OSBPL6: variants seen among roughly 807,000 people sequenced by gnomAD.
The protein encoded by OSBPL6 is oxysterol binding protein like 6, also known as oxysterol-binding protein-related protein 6.
OSBPL6 carries 49 observed loss-of-function variants against 125.8 expected under a neutral mutation model. The ratio of observed to expected loss-of-function variants is 0.39; its 90% CI spans 0.31 to 0.49. The LOEUF is 0.49. Ranked by LOEUF, OSBPL6 falls within the 20% of genes least tolerant of loss-of-function variation. The pLI is 0.88. For missense variants in OSBPL6, 986 were observed against 1,135.4 expected (o/e 0.87, Z 1.89); for synonymous variants, 394 against 391.8 (o/e 1.01, Z -0.07).
At position 178,372,156 on chromosome 2, in the gene OSBPL6, C is replaced by T. The variant is rs1011458863; in HGVS notation, c.1318C>T (p.Arg440Trp). Residue 440 changes from arginine to tryptophan, a missense_variant, in exon 14 of 25, where the codon CGG (arginine) becomes TGG (tryptophan). Arg to Trp is a moderately radical substitution (Grantham distance 101). Coordinates refer to ENST00000190611, the MANE Select transcript of OSBPL6 (RefSeq NM_032523.4). Reference sequence around the variant, plus strand: ...CAACCAGAATGCTGAACTAAGGAGTCGGTTGAACAGAATACATTCAGAGTC... The same window carrying T: ...CAACCAGAATGCTGAACTAAGGAGTTGGTTGAACAGAATACATTCAGAGTC... ...ALNQNAELRS[R>W]LNRIHSESII... is the part of the protein sequence containing the mutation. 7.4e-6 allele frequency: 12 copies of T among 1,612,772 alleles called. No homozygotes were observed. The highest frequency in any genetic ancestry group is 2.2e-5 in the East Asian group (1 of 44,798).
intron 13 of OSBPL6, 133 bp downstream of exon 13, chr2:178,361,948 A>G (rs1033569275): frequency 2.7e-6 from 3 of 1,091,546 alleles, no homozygotes; most frequent in Non-Finnish European, 3.8e-6. Context: ...TTCCCCCAAA[A>G]GACTGCAGTG....
At chr2:178,342,887 G>A (rs184462623) in intron 11 of OSBPL6, among the ~76,000 whole-genome samples, 1 of 152,120 alleles carries the variant, frequency 6.6e-6, no homozygotes, top group Admixed American at 6.5e-5. Context: ...TAGCTGTCCT[G>A]CATCTCATAG....
At chr2:178,286,543 C>G (rs932380862) in intron 2 of OSBPL6, among the ~76,000 whole-genome samples, 4 of 152,148 alleles carry the variant, frequency 2.6e-5, no homozygotes, top group Non-Finnish European at 4.4e-5. Flanking sequence ...AGTAAGAAGA[C>G]TTTTCAAAGA....
At chr2:178,339,522 C>G in intron 10 of OSBPL6, 150 bp from the exon 11 acceptor site, 1 of 447,500 alleles carries the variant, frequency 2.2e-6, no homozygotes, top group Non-Finnish European at 3.9e-6. Flanking sequence ...TTAATGCCCA[C>G]TATTCGTCTA....
chr2:178,244,639 T>C (rs981027158), intron 1 of OSBPL6, among the ~76,000 whole-genome samples: 4 of 152,246 alleles, frequency 2.6e-5, no homozygotes, highest in African/African-American at 9.6e-5. Flanking sequence ...AGATATGCTT[T>C]TATAGTTTTA....
intron 2 of OSBPL6, among the ~76,000 whole-genome samples, chr2:178,297,502 T>C (rs1685866622): frequency 6.6e-6 from 1 of 152,202 alleles, no homozygotes; most frequent in Non-Finnish European, 1.5e-5. Context: ...CAATCAATGT[T>C]ATTTAATGGA....
In OSBPL6 at chr2:178,397,237, C is replaced by T. The variant is rs991403504; in HGVS notation, c.*1678C>T. On this transcript the variant is annotated 3_prime_UTR_variant, in exon 25 of 25. Coordinates refer to ENST00000190611, the MANE Select transcript of OSBPL6 (RefSeq NM_032523.4). ...ATATTTTATTTATCCAAAACTCCTC[C>T]CTTGCATCTGAGTTTTTATGTTATG... 6.6e-6 allele frequency: 1 copy of T among 152,180 alleles called. No homozygotes were observed. Among genetic ancestry groups the T allele is most frequent in the African/African-American group, 2.4e-5 (1 of 41,450 alleles). The allele number at this position is 152,180 out of a possible 1,614,324, so 9.4% of individuals were successfully genotyped here. A position where few individuals can be genotyped will look rare whatever the true frequency, so the allele number is the denominator to read the frequency against.
chr2:178,390,946 AT>A, intron 21 of OSBPL6, 126 bp from the exon 22 acceptor site: 1 of 1,253,684 alleles, frequency 8.0e-7, no homozygotes, highest in Non-Finnish European at 1.1e-6. Context: ...ACGTTTTGAG[AT>A]TTCTGTATTT....
chr2:178,216,724 G>A (rs772296246), intron 1 of OSBPL6, among the ~76,000 whole-genome samples: 7 of 152,174 alleles, frequency 4.6e-5, no homozygotes, highest in Non-Finnish European at 8.8e-5. Flanking sequence ...TATCAATTAC[G>A]AGGAGGAAAA....
rs143211009 is a variant in OSBPL6 at position 178,219,663 on chromosome 2, G to A, written c.-351+24989G>A. 6.3e-3 allele frequency among the ~76,000 whole-genome samples: 961 copies of A among 152,242 alleles called. 8 individuals are homozygous for A. The highest frequency in any genetic ancestry group is 0.022 in the African/African-American group (913 of 41,528). On this transcript the variant is annotated intron_variant, in intron 1 of 24. Transcript: ENST00000190611. ...TGTTGCTGCTGAAAGCCATCCCATCGGACCCCTTTCCAGCAAGATTCTACT... is the reference window on the plus strand; with the variant it reads ...TGTTGCTGCTGAAAGCCATCCCATCAGACCCCTTTCCAGCAAGATTCTACT...
At position 178,391,136 on chromosome 2, in the gene OSBPL6, G is replaced by A. The variant is rs1299299346; in HGVS notation, c.2365G>A (p.Ala789Thr). ...QGVVIDQEGKAVYRLFGKWHE... is the reference protein window; with the variant it reads ...QGVVIDQEGKTVYRLFGKWHE... ...GGTGGTGATAGATCAGGAGGGGAAG[G>A]CGGTGTACCGGCTGTTTGGAAAGTG... The change falls in exon 22 of 25, where the codon GCG becomes ACG. Residue 789 changes from alanine (A) to threonine (T), a missense_variant. Coordinates refer to ENST00000190611, the MANE Select transcript of OSBPL6 (RefSeq NM_032523.4). The A allele has an allele frequency of 3.1e-6, 5 of 1,613,270 alleles. No individual in the cohort carries two copies. The highest frequency in any genetic ancestry group is 4.2e-6 in the Non-Finnish European group (5 of 1,179,336).
At chr2:178,248,240 C>T (rs897888086) in intron 1 of OSBPL6, among the ~76,000 whole-genome samples, 4 of 152,094 alleles carry the variant, frequency 2.6e-5, no homozygotes, top group Non-Finnish European at 4.4e-5. Flanking sequence ...TTACTTATAG[C>T]GGAGGGACAA....
chr2:178,369,485 T>G (rs940156132), intron 13 of OSBPL6, among the ~76,000 whole-genome samples: 1 of 152,196 alleles, frequency 6.6e-6, no homozygotes, highest in African/African-American at 2.4e-5. Flanking sequence ...CAATCAAATT[T>G]GTATGTTTAT....
intron 1 of OSBPL6, among the ~76,000 whole-genome samples, chr2:178,203,235 G>A (rs964769527): frequency 6.6e-6 from 1 of 152,044 alleles, no homozygotes; most frequent in Non-Finnish European, 1.5e-5. Flanking sequence ...CAGTTTATGA[G>A]GTAAGACTGT....
At position 178,374,052 on chromosome 2, in the gene OSBPL6, G is replaced by A. The variant is rs763939890; in HGVS notation, c.1533+25G>A. 32 of 1,608,922 alleles carry A rather than the reference G, an allele frequency of 2.0e-5. No homozygotes were observed. The African/African-American group carries it at 3.7e-4, about 19-fold the overall frequency. The stretch of plus-strand genomic sequence containing the variant: ...GGTATGTATGCCTCCTTGACTTGTT[G>A]GCCTCAACATCTTGTGACTGAGTTT... On this transcript the variant is annotated intron_variant, in intron 15 of 24. Coordinates refer to ENST00000190611, the MANE Select transcript of OSBPL6 (RefSeq NM_032523.4).
chr2:178,331,434 A>G (rs1689185991), intron 5 of OSBPL6, 118 bp from the exon 6 acceptor site: 4 of 1,046,596 alleles, frequency 3.8e-6, no homozygotes, highest in African/African-American at 1.6e-5. Context: ...GAATCCAGAT[A>G]CATTAAAATG....
In OSBPL6 at chr2:178,314,635, G is replaced by T. The variant is rs549589748; in HGVS notation, c.102+8349G>T. On this transcript the variant is annotated intron_variant, in intron 3 of 24. Transcript: ENST00000190611. ...TTGGATGCAAACTGGGTATTTTGAA[G>T]AGTCTAAATATTAGGCAAAGTTTAT... Among the ~76,000 whole-genome samples, 12 of 152,324 alleles carry T rather than the reference G, an allele frequency of 7.9e-5. No homozygotes were observed. In the East Asian group the frequency reaches 9.6e-4, roughly 12 times the overall value.
intron 20 of OSBPL6, among the ~76,000 whole-genome samples, chr2:178,388,360 C>G (rs1215235219): frequency 6.6e-6 from 1 of 152,154 alleles, no homozygotes; most frequent in African/African-American, 2.4e-5. Context: ...TGTGGTGCCT[C>G]CCTCCTACCT....
At chr2:178,284,334 T>C (rs1684495807) in intron 1 of OSBPL6, among the ~76,000 whole-genome samples, 1 of 152,046 alleles carries the variant, frequency 6.6e-6, no homozygotes, top group East Asian at 1.9e-4. Flanking sequence ...AGGCAGATCA[T>C]CCAAGGTCAG....
Sources: gnomAD v4.1 joint callset for allele counts (sites outside exome capture counted in the v4.1 genomes callset) on GRCh38, gnomAD v4.1.1 for gene constraint, MANE v1.5 for transcripts, NCBI Gene and HGNC (gene_info 2026-07-23, HGNC 2026-07-21) for gene names.